The following LIPK variants were observed in gnomAD, a reference collection of about 807,000 sequenced individuals.
The protein encoded by LIPK is lipase family member K, also known as lipase member K.
A neutral mutation model predicts 48.6 loss-of-function variants in LIPK; 32 were observed. The observed-to-expected ratio is 0.66, with a 90% CI of 0.50 to 0.88. LIPK has a LOEUF of 0.88. Among genes scored for constraint, LIPK ranks in the 40% least tolerant of loss-of-function variants. LIPK has a pLI of 0.00. For synonymous variants in LIPK, 164 were observed against 157.4 expected (o/e 1.04, Z -0.32); for missense variants, 507 against 478.5 (o/e 1.06, Z -0.56).
chr10:88,732,060 G>A (rs901566473), intron 4 of LIPK, 118 bp from the exon 5 acceptor site: 8 of 606,858 alleles, frequency 1.3e-5, no homozygotes, highest in African/African-American at 3.7e-5. Flanking sequence ...ATCATATATC[G>A]ACACTAGTCT....
At chr10:88,751,596 A>G (rs1372600757) in intron 9 of LIPK, among the ~76,000 whole-genome samples, 1 of 152,168 alleles carries the variant, frequency 6.6e-6, no homozygotes, top group Non-Finnish European at 1.5e-5. Context: ...GTGAAAATGT[A>G]TAACTCAACT....
At chr10:88,721,544 T>C (rs1049516166) in intron 1 of LIPK, among the ~76,000 whole-genome samples, 8 of 152,218 alleles carry the variant, frequency 5.3e-5, no homozygotes, top group Non-Finnish European at 1.5e-5. Flanking sequence ...TGATGGGCTG[T>C]ATGTCATGGT....
At chr10:88,708,402 A>G (rs1841973201) in intron 1 of LIPK, among the ~76,000 whole-genome samples, 1 of 152,120 alleles carries the variant, frequency 6.6e-6, no homozygotes, top group Non-Finnish European at 1.5e-5. Flanking sequence ...TAATTCTTCT[A>G]GTCTTTTGAA....
intron 6 of LIPK, among the ~76,000 whole-genome samples, chr10:88,733,825 A>T (rs1043405190): frequency 1.3e-5 from 2 of 152,280 alleles, no homozygotes; most frequent in Admixed American, 1.3e-4. Flanking sequence ...AGGAGCTACT[A>T]CTTCAAGGCC....
chr10:88,715,592 A>G (rs1440869119), intron 1 of LIPK, among the ~76,000 whole-genome samples: 1 of 151,974 alleles, frequency 6.6e-6, no homozygotes, highest in Admixed American at 6.6e-5. Context: ...TTATAGTCTG[A>G]CAATATTTGC....
intron 1 of LIPK, among the ~76,000 whole-genome samples, chr10:88,716,492 G>A (rs149291137): frequency 0.032 from 4,797 of 151,694 alleles, 112 homozygotes; most frequent in Middle Eastern, 0.068. Context: ...CGAGTAGCTG[G>A]GACTACAGGC....
At chr10:88,730,599 C>A (rs952640298) in intron 3 of LIPK, among the ~76,000 whole-genome samples, 6 of 152,128 alleles carry the variant, frequency 3.9e-5, no homozygotes, top group African/African-American at 1.4e-4. Flanking sequence ...ACCAGACAGC[C>A]TTTTACATGT....
At chr10:88,709,301 A>G (rs1219956238) in intron 1 of LIPK, among the ~76,000 whole-genome samples, 1 of 152,166 alleles carries the variant, frequency 6.6e-6, no homozygotes, top group Non-Finnish European at 1.5e-5. Flanking sequence ...TTTTTTTATT[A>G]TACTTTAAGT....
intron 1 of LIPK, among the ~76,000 whole-genome samples, chr10:88,720,779 C>T (rs1186153998): frequency 1.3e-5 from 2 of 151,946 alleles, no homozygotes; most frequent in Admixed American, 6.6e-5. Flanking sequence ...TGTACACATA[C>T]ATATATAGTT....
chr10:88,750,435 G>T (rs1421863138), intron 9 of LIPK, among the ~76,000 whole-genome samples: 1 of 152,136 alleles, frequency 6.6e-6, no homozygotes, highest in African/African-American at 2.4e-5. Flanking sequence ...TAAAGAAAAT[G>T]TGGTACATAT....
intron 3 of LIPK, among the ~76,000 whole-genome samples, chr10:88,729,743 G>A (rs1842427284): frequency 6.6e-6 from 1 of 152,096 alleles, no homozygotes; most frequent in Non-Finnish European, 1.5e-5. Context: ...TGGAAAAATG[G>A]ACATAGACTC....
chr10:88,730,806 A>C (rs1842449110), intron 3 of LIPK, among the ~76,000 whole-genome samples, 177 bp from the exon 4 acceptor site: 2 of 152,256 alleles, frequency 1.3e-5, no homozygotes, highest in African/African-American at 4.8e-5. Context: ...AACAAGACAG[A>C]GAACTTAAAT....
At chr10:88,732,390 G>T in intron 5 of LIPK, 25 bp from the exon 6 acceptor site, 2 of 1,601,068 alleles carry the variant, frequency 1.2e-6, no homozygotes, top group South Asian at 1.1e-5. Flanking sequence ...TGAAAACTAT[G>T]AACTACTGTC....
chr10:88,715,404 G>C (rs921015387), intron 1 of LIPK, among the ~76,000 whole-genome samples: 3 of 151,978 alleles, frequency 2.0e-5, no homozygotes, highest in African/African-American at 7.2e-5. Context: ...ATCTCACTTT[G>C]ACTCTGATAA....
intron 6 of LIPK, among the ~76,000 whole-genome samples, chr10:88,735,509 T>C (rs1435352796): frequency 2.0e-5 from 3 of 152,126 alleles, no homozygotes; most frequent in Non-Finnish European, 4.4e-5. Context: ...GTCTTTTTTA[T>C]AGGTGGAAAA....
At chr10:88,742,058 G>A (rs1842688730) in intron 8 of LIPK, among the ~76,000 whole-genome samples, 1 of 152,106 alleles carries the variant, frequency 6.6e-6, no homozygotes. Context: ...GGTGGAGCAG[G>A]AGAGAGAGAG....
intron 1 of LIPK, among the ~76,000 whole-genome samples, chr10:88,708,536 G>A (rs546525697): frequency 6.6e-6 from 1 of 151,940 alleles, no homozygotes. Flanking sequence ...CTCTGTAAGT[G>A]ACTGCAAATT....
chr10:88,727,044 C>G, intron 3 of LIPK, 132 bp downstream of exon 3: 1 of 653,408 alleles, frequency 1.5e-6, no homozygotes, highest in Admixed American at 2.8e-5. Context: ...ATTATCGCCC[C>G]CCATCTCTCT....
chr10:88,739,291 C>G (rs1842634285), intron 7 of LIPK, among the ~76,000 whole-genome samples: 2 of 152,234 alleles, frequency 1.3e-5, no homozygotes, highest in African/African-American at 2.4e-5. Flanking sequence ...GCCAACAGCT[C>G]TCTTTGAATG....
Sources: allele counts gnomAD v4.1 joint callset (sites outside exome capture counted in the v4.1 genomes callset), GRCh38; gene constraint gnomAD v4.1.1; transcripts MANE v1.5; gene names NCBI Gene and HGNC (gene_info 2026-07-23, HGNC 2026-07-21).